The following ADGRV1 variants were observed in gnomAD, a reference collection of about 807,000 sequenced individuals.
The protein encoded by ADGRV1 is G-protein coupled receptor 98.
In ADGRV1, 359 loss-of-function variants were observed where a neutral mutation model predicts 596.2. The ratio of observed to expected loss-of-function variants is 0.60; its 90% CI spans 0.55 to 0.66. ADGRV1 has a LOEUF of 0.66. Among genes scored for constraint, ADGRV1 ranks in the 30% least tolerant of loss-of-function variants. The probability of loss-of-function intolerance (pLI) is 0.00; values close to 1 mark genes in which losing one functional copy is unlikely to be tolerated. For synonymous variants in ADGRV1, 2,681 were observed against 2,679.2 expected, an observed-to-expected ratio of 1.00 and a Z score of -0.02; for missense variants, 7,274 against 7,575.6, an observed-to-expected ratio of 0.96 and a Z score of 1.48.
In ADGRV1 at chr5:90,810,881, G is replaced by T; in HGVS notation, c.15621G>T (p.Val5207=). 2 of 1,613,990 alleles carry T rather than the reference G, an allele frequency of 1.2e-6. No individual in the cohort carries two copies. Among genetic ancestry groups the T allele is most frequent in the Non-Finnish European group, 1.7e-6 (2 of 1,179,894 alleles). The change falls in exon 74 of 90, where the codon GTG becomes GTT. Residue 5207 remains valine, a synonymous_variant. Transcript: ENST00000405460. ...CTGCTGTGTCTGAAAAGCCTGATGT[G>T]GCCACTGTAACTGCCAATGTTTCCA... is the stretch of plus-strand genomic sequence containing the variant. ...GTPAVSEKPD[V]ATVTANVSIH...
intron 83 of ADGRV1, among the ~76,000 whole-genome samples, chr5:90,889,213 C>T (rs555645075): frequency 6.4e-4 from 98 of 152,204 alleles, no homozygotes; most frequent in Non-Finnish European, 1.3e-3. Context: ...TAGCCATGTG[C>T]GTCAGTGCTC....
chr5:90,604,943 C>A (rs1761889779), intron 1 of ADGRV1, among the ~76,000 whole-genome samples: 1 of 152,130 alleles, frequency 6.6e-6, no homozygotes, highest in Non-Finnish European at 1.5e-5. Context: ...TAGAGCTCCA[C>A]AGAGCTCTGG....
At chr5:90,570,338 T>A (rs1425122517) in intron 1 of ADGRV1, among the ~76,000 whole-genome samples, 1 of 152,186 alleles carries the variant, frequency 6.6e-6, no homozygotes, top group Non-Finnish European at 1.5e-5. Flanking sequence ...TTCTTCTTCC[T>A]TCCTCTTTCG....
intron 85 of ADGRV1, among the ~76,000 whole-genome samples, chr5:91,040,004 G>A (rs1785210153): frequency 6.6e-6 from 1 of 152,094 alleles, no homozygotes; most frequent in African/African-American, 2.4e-5. Flanking sequence ...CTATGAAGAT[G>A]AGTAATGGGT....
intron 77 of ADGRV1, among the ~76,000 whole-genome samples, chr5:90,838,131 C>T (rs1017775294): frequency 2.0e-5 from 3 of 152,108 alleles, no homozygotes; most frequent in Non-Finnish European, 2.9e-5. Flanking sequence ...TATAGTATTT[C>T]AGGGAATATT....
intron 84 of ADGRV1, among the ~76,000 whole-genome samples, chr5:90,982,551 A>G (rs1451201255): frequency 2.6e-5 from 4 of 152,240 alleles, no homozygotes; most frequent in Non-Finnish European, 5.9e-5. Context: ...TTGTAAAGGC[A>G]TTTTGGATAA....
intron 84 of ADGRV1, among the ~76,000 whole-genome samples, chr5:90,970,537 G>A (rs1033328127): frequency 4.6e-5 from 4 of 86,266 alleles, no homozygotes; most frequent in African/African-American, 1.5e-4. Flanking sequence ...CCAGAGGAAC[G>A]ATGAGGCAGC....
At chr5:91,162,919 G>A (rs963530223) in intron 89 of ADGRV1, among the ~76,000 whole-genome samples, 2 of 152,166 alleles carry the variant, frequency 1.3e-5, no homozygotes, top group African/African-American at 4.8e-5. Flanking sequence ...AGTGGGGCTG[G>A]CCCTGGTAAC....
At chr5:90,651,272 G>A (rs1768578108) in intron 17 of ADGRV1, among the ~76,000 whole-genome samples, 1 of 152,050 alleles carries the variant, frequency 6.6e-6, no homozygotes, top group African/African-American at 2.4e-5. Flanking sequence ...TTCTAATTAA[G>A]CTATTGAAGG....
chr5:90,892,150 G>T (rs1484265945), intron 83 of ADGRV1, among the ~76,000 whole-genome samples: 1 of 150,624 alleles, frequency 6.6e-6, no homozygotes, highest in Non-Finnish European at 1.5e-5. Flanking sequence ...TTGCTTTGAA[G>T]TGCTCACCTC....
Position 90,658,145 on chromosome 5 carries a change from T to C in ADGRV1, c.4619T>C (p.Leu1540Ser). 6.2e-7 allele frequency: 1 copy of C among 1,613,330 alleles called. No individual in the cohort carries two copies. The highest frequency in any genetic ancestry group is 8.5e-7 in the Non-Finnish European group (1 of 1,179,386). ...GACAATGACGAGGAAGGAGAAGAAT[T>C]ATTCATTCTTAAACTAGTTTCTGTA... ...RDDNDEEGEE[L>S]FILKLVSVYG... The change falls in exon 21 of 90, where the codon TTA becomes TCA. Residue 1540 changes from leucine (L) to serine (S), a missense_variant. Physicochemically the swap from Leu to Ser is moderately radical, Grantham distance 145. This residue lies in a region of ADGRV1 where 3,643 missense variants were observed against 3,809.2 expected (regional missense o/e 0.96). Transcript: ENST00000405460.
intron 43 of ADGRV1, chr5:90,718,158 C>T (rs1055900297): frequency 6.6e-6 from 1 of 152,202 alleles, no homozygotes; most frequent in African/African-American, 2.4e-5. Context: ...ACTCCTCTCC[C>T]TAGTAATCTC....
chr5:90,816,774 G>A (rs1050030930), intron 75 of ADGRV1, among the ~76,000 whole-genome samples: 7 of 151,698 alleles, frequency 4.6e-5, no homozygotes, highest in Admixed American at 2.0e-4. Flanking sequence ...GTATTCCATG[G>A]TGTATATGTG....
At chr5:90,916,858 T>C (rs1413777352) in intron 83 of ADGRV1, among the ~76,000 whole-genome samples, 1 of 151,908 alleles carries the variant, frequency 6.6e-6, no homozygotes. Flanking sequence ...GGTCTCGATC[T>C]CCTGACCTCG....
chr5:90,902,619 C>G (rs149900378), intron 83 of ADGRV1, among the ~76,000 whole-genome samples: 1 of 152,260 alleles, frequency 6.6e-6, no homozygotes, highest in Non-Finnish European at 1.5e-5. Context: ...TGTTGTCTTA[C>G]TTGTGCAATT....
chr5:90,934,544 C>T (rs1581565229), intron 83 of ADGRV1, among the ~76,000 whole-genome samples: 2 of 152,246 alleles, frequency 1.3e-5, no homozygotes, highest in Middle Eastern at 3.4e-3. Flanking sequence ...GTTCCCTGGG[C>T]GTTTTGTTTG....
rs1050226632 is a variant in ADGRV1 at position 90,664,278 on chromosome 5, T to C, written c.4752+6000T>C. 9.9e-4 allele frequency among the ~76,000 whole-genome samples: 140 copies of C among 142,030 alleles called. 1 individual carries two copies. Among genetic ancestry groups the C allele is most frequent in the Non-Finnish European group, 1.7e-3 (111 of 65,816 alleles). The allele number at this position is 142,030 out of a possible 152,430, so 93.2% of individuals were successfully genotyped here. ...TGTTCTTCCATTTGTTTGTATCCTC[T>C]TTTATTTCCTTGAGCAGTGGTTTGT... On this transcript the variant is annotated intron_variant, in intron 21 of 89. Coordinates refer to ENST00000405460, the MANE Select transcript of ADGRV1 (RefSeq NM_032119.4).
At chr5:90,813,801 C>A (rs1762669360) in intron 74 of ADGRV1, among the ~76,000 whole-genome samples, 1 of 152,142 alleles carries the variant, frequency 6.6e-6, no homozygotes, top group African/African-American at 2.4e-5. Context: ...TTTGCTGCAT[C>A]CACCTACCTT....
chr5:90,642,908 A>G lies in ADGRV1; in HGVS notation c.2420A>G (p.Lys807Arg), dbSNP rs770803646. Residue 807 changes from lysine to arginine, a missense_variant, in exon 13 of 90, where the codon AAG becomes AGG. Transcript: ENST00000405460. ...HIIRSRGSLV[K>R]QFLHYRVEPR... ...ATCCGATCAAGGGGGTCCCTTGTTA[A>G]GCAGTTTCTACACTACCGAGTAGAG... The G allele has an allele frequency of 6.2e-7, 1 of 1,612,200 alleles. No homozygotes were observed. The highest frequency in any genetic ancestry group is 8.5e-7 in the Non-Finnish European group (1 of 1,179,042).
Sources: allele counts gnomAD v4.1 joint callset (sites outside exome capture counted in the v4.1 genomes callset), GRCh38; gene constraint gnomAD v4.1.1; regional missense constraint gnomAD v4.1.1; transcripts MANE v1.5; gene names NCBI Gene and HGNC (gene_info 2026-07-23, HGNC 2026-07-21).